Variants in UGT1A8 observed in about 807,000 individuals in gnomAD.
UGT1A8 encodes UDP glucuronosyltransferase family 1 member A8, also known as UDP-glucuronosyltransferase 1A8.
Under a neutral mutation model 45.3 loss-of-function variants are expected in UGT1A8, and 39 were observed. The ratio of observed to expected loss-of-function variants is 0.86; its 90% CI spans 0.67 to 1.12. UGT1A8 has a LOEUF of 1.12. Among genes scored for constraint, UGT1A8 ranks in the 50% most tolerant of loss-of-function variants. The probability of loss-of-function intolerance (pLI) is 0.00; values close to 1 mark genes in which losing one functional copy is unlikely to be tolerated. For synonymous variants in UGT1A8, 275 were observed against 249.2 expected, an observed-to-expected ratio of 1.10 and a Z score of -0.97; for missense variants, 719 against 664.9, an observed-to-expected ratio of 1.08 and a Z score of -0.90.
At chr2:233,654,293 T>C (rs988903269) in intron 1 of UGT1A8, among the ~76,000 whole-genome samples, 27 of 152,196 alleles carry the variant, frequency 1.8e-4, no homozygotes, top group African/African-American at 6.0e-4. Context: ...AGTTAGACCT[T>C]AGGGATTTGG....
chr2:233,765,966 G>C (rs538817499), intron 1 of UGT1A8, among the ~76,000 whole-genome samples: 1 of 152,134 alleles, frequency 6.6e-6, no homozygotes, highest in African/African-American at 2.4e-5. Context: ...GTGTCTAGAG[G>C]TGGATGTTTA....
At chr2:233,669,793 C>T (rs28970007) in intron 1 of UGT1A8, among the ~76,000 whole-genome samples, 4,619 of 152,254 alleles carry the variant, frequency 0.03, 222 homozygotes, top group African/African-American at 0.1. Context: ...AAGTGATTCT[C>T]CTGCCTCAGC....
At chr2:233,695,741 A>G (rs749917184) in intron 1 of UGT1A8, among the ~76,000 whole-genome samples, 6 of 152,186 alleles carry the variant, frequency 3.9e-5, no homozygotes, top group African/African-American at 7.2e-5. Context: ...GTTGCTGCAC[A>G]TGACAGGTCT....
At chr2:233,644,831 G>A (rs747396741) in intron 1 of UGT1A8, among the ~76,000 whole-genome samples, 3 of 152,080 alleles carry the variant, frequency 2.0e-5, no homozygotes, top group Non-Finnish European at 4.4e-5. Flanking sequence ...CAGGTACTAT[G>A]AGTGCTCACC....
chr2:233,729,993 G>T (rs1356280713), intron 1 of UGT1A8: 1 of 1,613,886 alleles, frequency 6.2e-7, no homozygotes, highest in Non-Finnish European at 8.5e-7. Flanking sequence ...CACTATCTCA[G>T]GTCTGTATTG....
intron 1 of UGT1A8, among the ~76,000 whole-genome samples, chr2:233,653,686 GC>G (rs1486524168): frequency 7.2e-5 from 11 of 152,114 alleles, no homozygotes; most frequent in Middle Eastern, 3.2e-3. Flanking sequence ...AACATCTGCT[GC>G]CCGAGTTCAA....
chr2:233,622,132 G>T (rs1418440403), intron 1 of UGT1A8, among the ~76,000 whole-genome samples: 2 of 152,106 alleles, frequency 1.3e-5, no homozygotes, highest in East Asian at 1.9e-4. Flanking sequence ...GTCTATCATT[G>T]ATGAACATTT....
Position 233,754,896 on chromosome 2 carries a change from C to T in UGT1A8, c.856-12138C>T, listed in dbSNP as rs755836502. 29 of 1,350,518 alleles carry T rather than the reference C, an allele frequency of 2.1e-5. No homozygotes were observed. The African/African-American group carries it at 3.1e-4, about 15-fold the overall frequency. The allele number at this position is 1,350,518 out of a possible 1,614,324, so 83.7% of individuals were successfully genotyped here. A position where few individuals can be genotyped will look rare whatever the true frequency, so the allele number is the denominator to read the frequency against. On this transcript the variant is annotated intron_variant, in intron 1 of 4. Transcript: ENST00000373450. ...TCTGCTTCCCAGGGAGTTCCTCTGA[C>T]CCCCCAAAATATTCTCCAGCGGGTT...
intron 1 of UGT1A8, among the ~76,000 whole-genome samples, chr2:233,665,371 G>T (rs56143032): frequency 0.04 from 6,091 of 151,974 alleles, 145 homozygotes; most frequent in Non-Finnish European, 0.058. Context: ...TTCCATATTC[G>T]TAGCCTCTGA....
At chr2:233,742,595 T>C (rs1692031315) in intron 1 of UGT1A8, among the ~76,000 whole-genome samples, 1 of 151,868 alleles carries the variant, frequency 6.6e-6, no homozygotes, top group African/African-American at 2.4e-5. Flanking sequence ...CCCAGCAACC[T>C]ACCATAGTTG....
chr2:233,630,424 A>T (rs1354760619), intron 1 of UGT1A8, among the ~76,000 whole-genome samples: 2 of 152,160 alleles, frequency 1.3e-5, no homozygotes, highest in Non-Finnish European at 2.9e-5. Flanking sequence ...GGTATCAAGA[A>T]AACCTGCAGA....
chr2:233,677,920 A>G (rs1359301348), intron 1 of UGT1A8, among the ~76,000 whole-genome samples: 1 of 152,198 alleles, frequency 6.6e-6, no homozygotes, highest in East Asian at 1.9e-4. Flanking sequence ...AAATCAACCT[A>G]GGTGCCCGTC....
At chr2:233,672,731 T>C (rs749895611) in intron 1 of UGT1A8, 1 of 1,613,974 alleles carries the variant, frequency 6.2e-7, no homozygotes, top group East Asian at 2.2e-5. Context: ...AAACCCGTGA[T>C]GCCCAACATG....
chr2:233,711,884 G>C (rs2076202262), intron 1 of UGT1A8, among the ~76,000 whole-genome samples: 1 of 152,204 alleles, frequency 6.6e-6, no homozygotes, highest in Non-Finnish European at 1.5e-5. Flanking sequence ...GGAGCAGGAC[G>C]AGTCTCATGG....
At chr2:233,645,448 A>G (rs993667569) in intron 1 of UGT1A8, among the ~76,000 whole-genome samples, 3 of 152,206 alleles carry the variant, frequency 2.0e-5, no homozygotes, top group Non-Finnish European at 2.9e-5. Flanking sequence ...CCACAGTTCA[A>G]CGTCTCATCT....
chr2:233,739,909 T>C (rs572345956), intron 1 of UGT1A8, among the ~76,000 whole-genome samples: 1 of 151,874 alleles, frequency 6.6e-6, no homozygotes, highest in Non-Finnish European at 1.5e-5. Context: ...TCTCATATTG[T>C]AATTTCCATA....
Position 233,617,927 on chromosome 2 carries a change from G to A in UGT1A8, c.220G>A (p.Val74Met). ...WQLGKSLNCTVKTYSTSYTLE... is the reference protein window; with the variant it reads ...WQLGKSLNCTMKTYSTSYTLE... ...ACTGGGAAAATCACTGAATTGCACAGTGAAGACTTACTCAACCTCATACAC... is the reference window on the plus strand; with the variant it reads ...ACTGGGAAAATCACTGAATTGCACAATGAAGACTTACTCAACCTCATACAC... The change falls in exon 1 of 5, where the codon GTG becomes ATG. Residue 74 changes from valine to methionine, a missense_variant. By Grantham distance (21) the Val-to-Met change is conservative. Transcript: ENST00000373450. The A allele has an allele frequency of 2.5e-6, 4 of 1,614,186 alleles. No homozygotes were observed. The highest frequency in any genetic ancestry group is 1.7e-6 in the Non-Finnish European group (2 of 1,180,024).
intron 1 of UGT1A8, chr2:233,717,680 G>T: frequency 2.3e-6 from 1 of 437,998 alleles, no homozygotes; most frequent in Admixed American, 2.4e-5. Context: ...GCGAGCACAT[G>T]TAGGAGTGAC....
chr2:233,726,329 A>T (rs1355018721), intron 1 of UGT1A8, among the ~76,000 whole-genome samples: 1 of 152,172 alleles, frequency 6.6e-6, no homozygotes, highest in Non-Finnish European at 1.5e-5. Flanking sequence ...GAGTTTCAGC[A>T]CCTGTGGTTT....
Sources: allele counts gnomAD v4.1 joint callset (sites outside exome capture counted in the v4.1 genomes callset), GRCh38; gene constraint gnomAD v4.1.1; transcripts MANE v1.5; gene names NCBI Gene and HGNC (gene_info 2026-07-23, HGNC 2026-07-21).